Variants in SERBP1 observed in about 807,000 individuals in gnomAD.
The protein encoded by SERBP1 is SERPINE1 mRNA binding protein 1.
In SERBP1, 6 loss-of-function variants were observed where a neutral mutation model predicts 50.2. The ratio of observed to expected loss-of-function variants is 0.12; its 90% CI spans 0.07 to 0.24. SERBP1 has a LOEUF of 0.24. SERBP1 is among the 10% of genes least tolerant of loss of function. SERBP1 has a pLI of 1.00. For synonymous variants in SERBP1, 168 were observed against 182.8 expected (o/e 0.92, Z 0.65); for missense variants, 346 against 524.9 (o/e 0.66, Z 3.33).
chr1:67,414,033 G>A (rs1666925793), intron 7 of SERBP1, among the ~76,000 whole-genome samples: 1 of 152,116 alleles, frequency 6.6e-6, no homozygotes, highest in Non-Finnish European at 1.5e-5. Flanking sequence ...CAGGTGATCT[G>A]TTCACCCAGA....
At chr1:67,416,441 G>T (rs1667014438) in intron 6 of SERBP1, among the ~76,000 whole-genome samples, 1 of 152,212 alleles carries the variant, frequency 6.6e-6, no homozygotes, top group Non-Finnish European at 1.5e-5. Flanking sequence ...CTTCATGCCT[G>T]ATGTCTTCTT....
intron 5 of SERBP1, among the ~76,000 whole-genome samples, chr1:67,423,983 G>T (rs1300198564): frequency 6.6e-6 from 1 of 152,086 alleles, no homozygotes. Context: ...AGGAATTGGA[G>T]ACCTGCCTAG....
chr1:67,415,519 AT>A (rs995180299), intron 6 of SERBP1, among the ~76,000 whole-genome samples, 180 bp from the exon 7 acceptor site: 1 of 152,202 alleles, frequency 6.6e-6, no homozygotes, highest in Non-Finnish European at 1.5e-5. Flanking sequence ...CTGGAGGAAG[AT>A]TTTCCTGCAC....
chr1:67,422,686 G>A (rs1045064932), intron 5 of SERBP1, among the ~76,000 whole-genome samples: 12 of 152,008 alleles, frequency 7.9e-5, no homozygotes, highest in South Asian at 2.1e-4. Flanking sequence ...TAGGTCAGGC[G>A]TGGTGGCTCA....
In SERBP1 at chr1:67,415,479, G is replaced by GT. The variant is rs1570281943; in HGVS notation, c.952-141dup. 5.3e-6 allele frequency: 4 copies of GT among 761,770 alleles called. No homozygotes were observed. The East Asian group carries it at 1.2e-4, about 23-fold the overall frequency. 47.2% of individuals were successfully genotyped at this position (761,770 alleles called of 1,614,324 possible). A position where few individuals can be genotyped will look rare whatever the true frequency, so the allele number is the denominator to read the frequency against. ...AACAAATGTCTCAATGCCTCCACAGGTAACAAGCTAGGGCTCAGCTTTAGT... is the reference window on the plus strand; with the variant it reads ...AACAAATGTCTCAATGCCTCCACAGGTTAACAAGCTAGGGCTCAGCTTTAGT... On this transcript the variant is annotated intron_variant, in intron 6 of 7. Transcript: ENST00000361219.
At position 67,413,282 on chromosome 1, in the gene SERBP1, A is replaced by G. The variant is rs768617434; in HGVS notation, c.1126-19T>C. The G allele has an allele frequency of 2.4e-5, 37 of 1,570,930 alleles. No individual in the cohort carries two copies. Among genetic ancestry groups the G allele is most frequent in the Non-Finnish European group, 3.1e-5 (36 of 1,162,992 alleles). On this transcript the variant is annotated intron_variant, in intron 7 of 7. Transcript: ENST00000361219. ...CACTTGACTGAAAAAGAAAAACCAAAATTAACCACAGTTCTCAGTTCTTCA... is the reference window on the plus strand; with the variant it reads ...CACTTGACTGAAAAAGAAAAACCAAGATTAACCACAGTTCTCAGTTCTTCA...
chr1:67,426,012 G>T, intron 2 of SERBP1, 123 bp downstream of exon 2: 1 of 790,552 alleles, frequency 1.3e-6, no homozygotes, highest in Non-Finnish European at 2.0e-6. Context: ...CTCAAGAGGA[G>T]ACTGAGATGA....
intron 1 of SERBP1, among the ~76,000 whole-genome samples, chr1:67,428,776 C>T (rs1667470076): frequency 6.7e-6 from 1 of 149,216 alleles, no homozygotes; most frequent in Non-Finnish European, 1.5e-5. Flanking sequence ...AATCCTACCA[C>T]GAGAAAATTG....
At chr1:67,419,735 G>A in intron 6 of SERBP1, 1 of 355,316 alleles carries the variant, frequency 2.8e-6, no homozygotes, top group East Asian at 6.3e-5. Flanking sequence ...TCATATTTCT[G>A]AACACCAATA....
In SERBP1 at chr1:67,415,065, T is replaced by TAC. The variant is rs1014774722; in HGVS notation, c.1125+99_1125+100dup. ...TGCGGTTTCTTAAAGACACTGCTAC[T>TAC]ACTTCTACTTATGTTCCCAAAAGTG... is the stretch of plus-strand genomic sequence containing the variant. On this transcript the variant is annotated intron_variant, in intron 7 of 7. Coordinates refer to ENST00000361219, the MANE Select transcript of SERBP1 (RefSeq NM_001018069.2). 22 of 1,296,584 alleles carry TAC rather than the reference T, an allele frequency of 1.7e-5. No homozygotes were observed. The African/African-American group carries it at 2.5e-4, about 15-fold the overall frequency. The allele number at this position is 1,296,584 out of a possible 1,614,324, so 80.3% of individuals were successfully genotyped here.
intron 7 of SERBP1, among the ~76,000 whole-genome samples, chr1:67,414,312 T>A (rs555324620): frequency 6.6e-6 from 1 of 151,442 alleles, no homozygotes; most frequent in African/African-American, 2.4e-5. Flanking sequence ...AAAGTATAAA[T>A]AACAGAACTA....
At chr1:67,413,327 T>A in intron 7 of SERBP1, 64 bp from the exon 8 acceptor site, 3 of 1,385,582 alleles carry the variant, frequency 2.2e-6, no homozygotes, top group Non-Finnish European at 2.9e-6. Context: ...TGTTAGCTAG[T>A]GTCTACATTA....
intron 5 of SERBP1, among the ~76,000 whole-genome samples, chr1:67,423,223 C>T (rs1275889599): frequency 7.9e-5 from 12 of 151,854 alleles, no homozygotes; most frequent in African/African-American, 1.7e-4. Flanking sequence ...CGCGTGAACC[C>T]GGGAGGCGGA....
At position 67,409,431 on chromosome 1, in the gene SERBP1, A is replaced by ACC. The variant is rs1354929831; in HGVS notation, c.*3774_*3775dup. 7.1e-6 allele frequency: 1 copy of ACC among 141,294 alleles called. No homozygotes were observed. The highest frequency in any genetic ancestry group is 1.5e-5 in the Non-Finnish European group (1 of 65,544). The allele number at this position is 141,294 out of a possible 1,614,324, so 8.8% of individuals were successfully genotyped here. A position where few individuals can be genotyped will look rare whatever the true frequency, so the allele number is the denominator to read the frequency against. ...CACACACACACACACCCCCACACAC[A>ACC]CCAGGTCACAGGCTGAACTTTGCTG... is the stretch of plus-strand genomic sequence containing the variant. On this transcript the variant is annotated 3_prime_UTR_variant, in exon 8 of 8. Coordinates refer to ENST00000361219, the MANE Select transcript of SERBP1 (RefSeq NM_001018069.2).
intron 1 of SERBP1, chr1:67,429,493 A>G (rs548840511): frequency 6.5e-6 from 1 of 153,044 alleles, no homozygotes; most frequent in African/African-American, 2.4e-5. Context: ...TTCAGCGGGG[A>G]TACTCCGCGC....
chr1:67,429,858 G>A (rs1042373767), intron 1 of SERBP1, 130 bp downstream of exon 1: 2 of 1,058,406 alleles, frequency 1.9e-6, no homozygotes, highest in Admixed American at 2.5e-5. Context: ...TTTGTCGCGT[G>A]AAGAAACGTG....
At position 67,412,634 on chromosome 1, in the gene SERBP1, GAAA is replaced by G. The variant is rs1228744402; in HGVS notation, c.*570_*572del. ...ATATATAACAGCTATCATGAGAAGT[GAAA>G]AAAGATTTTTCCCCAAAAATGAAAA... On this transcript the variant is annotated 3_prime_UTR_variant, in exon 8 of 8. Transcript: ENST00000361219. The G allele has an allele frequency of 6.6e-6, 1 of 152,490 alleles. No individual in the cohort carries two copies. Among genetic ancestry groups the G allele is most frequent in the Non-Finnish European group, 1.5e-5 (1 of 68,044 alleles). 9.4% of individuals were successfully genotyped at this position (152,490 alleles called of 1,614,324 possible). A position where few individuals can be genotyped will look rare whatever the true frequency, so the allele number is the denominator to read the frequency against.
rs1666818571 is a variant in SERBP1 at position 67,410,986 on chromosome 1, T to C, written c.*2221A>G. ...AAACACACAGGGGTGTGCACACAGGTCAGAAACCAGGAAACACATGACAAT... is the reference window on the plus strand; with the variant it reads ...AAACACACAGGGGTGTGCACACAGGCCAGAAACCAGGAAACACATGACAAT... On this transcript the variant is annotated 3_prime_UTR_variant, in exon 8 of 8. Transcript: ENST00000361219. 2 of 152,198 alleles carry C rather than the reference T, an allele frequency of 1.3e-5. No homozygotes were observed. The highest frequency in any genetic ancestry group is 2.4e-5 in the African/African-American group (1 of 41,556). The allele number at this position is 152,198 out of a possible 1,614,324, so 9.4% of individuals were successfully genotyped here.
At position 67,413,188 on chromosome 1, in the gene SERBP1, G is replaced by C. The variant is rs1270484361; in HGVS notation, c.*19C>G. Reference sequence around the variant, plus strand: ...CAGAAGGGTTCACAAAGGAACCAGGGTTGTCTTATGGCATCCAGTTAAGCC... The same window carrying C: ...CAGAAGGGTTCACAAAGGAACCAGGCTTGTCTTATGGCATCCAGTTAAGCC... On this transcript the variant is annotated 3_prime_UTR_variant, in exon 8 of 8. Transcript: ENST00000361219. 1.3e-6 allele frequency: 2 copies of C among 1,590,888 alleles called. No homozygotes were observed. Among genetic ancestry groups the C allele is most frequent in the Non-Finnish European group, 1.7e-6 (2 of 1,171,338 alleles).
Sources: gnomAD v4.1 joint callset for allele counts (sites outside exome capture counted in the v4.1 genomes callset) on GRCh38, gnomAD v4.1.1 for gene constraint, MANE v1.5 for transcripts, NCBI Gene and HGNC (gene_info 2026-07-23, HGNC 2026-07-21) for gene names.